Variants in TMEM132C observed in about 807,000 individuals in gnomAD.
TMEM132C encodes transmembrane protein 132C, also known as protein phosphatase 1, regulatory subunit 152.
A neutral mutation model predicts 61.4 loss-of-function variants in TMEM132C; 29 were observed. The observed-to-expected ratio is 0.47, with a 90% CI of 0.35 to 0.64. The LOEUF is 0.64. Ranked by LOEUF, TMEM132C falls within the 30% of genes least tolerant of loss-of-function variation. TMEM132C has a pLI of 0.00. For missense variants in TMEM132C, 1,408 were observed against 1,476.9 expected, an observed-to-expected ratio of 0.95 and a Z score of 0.76; for synonymous variants, 656 against 633.1, an observed-to-expected ratio of 1.04 and a Z score of -0.54.
In TMEM132C at chr12:128,299,058, G is replaced by A. The variant is rs143659452; in HGVS notation, c.85+31571G>A. ...GGGATGAATGTGATAACTTCCTCAC[G>A]GTGGCTTACGGTAGGATTAGTATGA... On this transcript the variant is annotated intron_variant, in intron 1 of 8. Transcript: ENST00000435159. Among the ~76,000 whole-genome samples, 763 of 152,252 alleles carry A rather than the reference G, an allele frequency of 5.0e-3. 6 individuals are homozygous for A. Among genetic ancestry groups the A allele is most frequent in the African/African-American group, 0.017 (721 of 41,558 alleles).
intron 1 of TMEM132C, among the ~76,000 whole-genome samples, chr12:128,411,911 G>A (rs1473887400): frequency 6.6e-6 from 1 of 151,938 alleles, no homozygotes; most frequent in Non-Finnish European, 1.5e-5. Flanking sequence ...CTTCCCTTAC[G>A]GTGAGACACC....
At chr12:128,465,467 C>G (rs978662464) in intron 2 of TMEM132C, among the ~76,000 whole-genome samples, 1 of 152,220 alleles carries the variant, frequency 6.6e-6, no homozygotes, top group Non-Finnish European at 1.5e-5. Context: ...TCCCAAAGTG[C>G]TATGGTTACA....
intron 2 of TMEM132C, among the ~76,000 whole-genome samples, chr12:128,497,536 G>T (rs186685147): frequency 6.6e-6 from 1 of 152,150 alleles, no homozygotes; most frequent in African/African-American, 2.4e-5. Context: ...AATGGCAGGC[G>T]CCCCTCCCCC....
intron 2 of TMEM132C, among the ~76,000 whole-genome samples, chr12:128,481,726 T>A (rs1871322424): frequency 6.6e-6 from 1 of 152,160 alleles, no homozygotes; most frequent in Non-Finnish European, 1.5e-5. Context: ...TGGTGCCAGA[T>A]GCGGCACTGT....
At chr12:128,402,942 T>C (rs1400723285) in intron 1 of TMEM132C, among the ~76,000 whole-genome samples, 1 of 151,850 alleles carries the variant, frequency 6.6e-6, no homozygotes, top group Middle Eastern at 3.2e-3. Context: ...CATCTGAGAG[T>C]GATTATGGAG....
chr12:128,678,250 TA>T (rs997730639), intron 5 of TMEM132C, among the ~76,000 whole-genome samples: 14 of 152,208 alleles, frequency 9.2e-5, no homozygotes, highest in African/African-American at 3.1e-4. Flanking sequence ...GAAAGAAAAT[TA>T]AAGAGAACAA....
intron 1 of TMEM132C, among the ~76,000 whole-genome samples, chr12:128,282,431 C>A (rs147977060): frequency 6.6e-6 from 1 of 152,206 alleles, no homozygotes; most frequent in South Asian, 2.1e-4. Context: ...ACCTTTTTCA[C>A]ATGGTGGCAG....
At chr12:128,624,543 C>CAA (rs752979852) in intron 4 of TMEM132C, among the ~76,000 whole-genome samples, 1,542 of 32,058 alleles carry the variant, frequency 0.048, 115 homozygotes, top group African/African-American at 0.16. Context: ...GACTCCATCT[C>CAA]AAAAAAAAAA....
intron 1 of TMEM132C, among the ~76,000 whole-genome samples, chr12:128,299,273 A>G (rs543195590): frequency 2.0e-5 from 3 of 152,334 alleles, no homozygotes; most frequent in African/African-American, 2.4e-5. Flanking sequence ...GTTTCATACC[A>G]TGCAATTTCC....
At chr12:128,442,163 C>T (rs1345741000) in intron 2 of TMEM132C, among the ~76,000 whole-genome samples, 1 of 152,208 alleles carries the variant, frequency 6.6e-6, no homozygotes, top group African/African-American at 2.4e-5. Flanking sequence ...CCTGAAACCT[C>T]AGTCCCCTCC....
chr12:128,429,660 C>G (rs1869319218), intron 2 of TMEM132C, among the ~76,000 whole-genome samples: 1 of 152,130 alleles, frequency 6.6e-6, no homozygotes, highest in Non-Finnish European at 1.5e-5. Flanking sequence ...TTAGCCTATA[C>G]TTTGTAATAA....
chr12:128,507,008 A>T (rs1872385567), intron 2 of TMEM132C, among the ~76,000 whole-genome samples: 1 of 152,148 alleles, frequency 6.6e-6, no homozygotes, highest in African/African-American at 2.4e-5. Context: ...CCTGAAAAGG[A>T]AGCCCACAGA....
intron 2 of TMEM132C, among the ~76,000 whole-genome samples, chr12:128,447,514 G>T (rs892806492): frequency 1.3e-5 from 2 of 152,106 alleles, no homozygotes; most frequent in African/African-American, 4.8e-5. Flanking sequence ...TTAACAACCT[G>T]CTCTTCAGGG....
intron 2 of TMEM132C, among the ~76,000 whole-genome samples, chr12:128,508,377 CA>C (rs996779914): frequency 1.3e-5 from 2 of 152,164 alleles, no homozygotes; most frequent in African/African-American, 4.8e-5. Flanking sequence ...GACACAGAGC[CA>C]AACCATATCA....
At chr12:128,659,573 C>G (rs1258752550) in intron 4 of TMEM132C, among the ~76,000 whole-genome samples, 1 of 152,198 alleles carries the variant, frequency 6.6e-6, no homozygotes, top group Non-Finnish European at 1.5e-5. Flanking sequence ...GGGGAGCATT[C>G]GCCCAGTTAT....
rs771326912 is a variant in TMEM132C, at chr12:128,415,273, G to A, written c.627G>A (p.Thr209=). The A allele has an allele frequency of 1.4e-5, 23 of 1,598,556 alleles. No homozygotes were observed. The highest frequency in any genetic ancestry group is 1.7e-4 in the Middle Eastern group (1 of 6,040). ...ELLSSWFSAP[T]VGAGRKKSMD... is the part of the protein sequence containing the mutation. The stretch of plus-strand genomic sequence containing the variant: ...TGTCCAGCTGGTTCAGTGCCCCGAC[G>A]GTGGGTGCCGGGAGGAAGAAGTCCA... The change falls in exon 2 of 9, where the codon ACG becomes ACA. Residue 209 remains threonine, a synonymous_variant. Coordinates refer to ENST00000435159, the MANE Select transcript of TMEM132C (RefSeq NM_001136103.3). The surrounding 1 kb of genome is among the most constrained non-coding windows in gnomAD (Gnocchi z 5.8).
chr12:128,677,339 T>C (rs1954598664), intron 5 of TMEM132C, among the ~76,000 whole-genome samples: 1 of 152,102 alleles, frequency 6.6e-6, no homozygotes, highest in African/African-American at 2.4e-5. Flanking sequence ...AGCAATTAAA[T>C]AGAACAGAAG....
chr12:128,321,579 A>T (rs1236153795), intron 1 of TMEM132C, among the ~76,000 whole-genome samples: 1 of 152,204 alleles, frequency 6.6e-6, no homozygotes, highest in Non-Finnish European at 1.5e-5. Flanking sequence ...GGGGGTGGAC[A>T]TACAACCTAC....
rs372415071 is a variant in TMEM132C, at chr12:128,567,990, G to A, written c.1121+23887G>A. On this transcript the variant is annotated intron_variant, in intron 3 of 8. Transcript: ENST00000435159. ...GAAAGGACCCCCTAAGTTACATGAC[G>A]CAGGAGCCAATGTCCATTACACAGC... Among the ~76,000 whole-genome samples the A allele has an allele frequency of 1.4e-3, 219 of 152,244 alleles. 1 individual carries two copies. The highest frequency in any genetic ancestry group is 4.8e-3 in the African/African-American group (201 of 41,560).
Sources: gnomAD v4.1 joint callset for allele counts (sites outside exome capture counted in the v4.1 genomes callset) on GRCh38, gnomAD v4.1.1 for gene constraint, Gnocchi (gnomAD v3.1) non-coding constraint, MANE v1.5 for transcripts, NCBI Gene and HGNC (gene_info 2026-07-23, HGNC 2026-07-21) for gene names.